Variants in RSF1 observed in about 807,000 individuals in gnomAD.
The protein encoded by RSF1 is HBV pX-associated protein 8.
In RSF1, 13 loss-of-function variants were observed where a neutral mutation model predicts 145.2. The ratio of observed to expected loss-of-function variants is 0.09; its 90% CI spans 0.06 to 0.14. The LOEUF (loss-of-function observed/expected upper bound fraction) is 0.14. Ranked by LOEUF, RSF1 falls within the 10% of genes least tolerant of loss-of-function variation. The probability of loss-of-function intolerance (pLI) is 1.00; values close to 1 mark genes in which losing one functional copy is unlikely to be tolerated. For missense variants in RSF1, 1,517 were observed against 1,718.2 expected, an observed-to-expected ratio of 0.88 and a Z score of 2.07; for synonymous variants, 577 against 592.6, an observed-to-expected ratio of 0.97 and a Z score of 0.38.
At chr11:77,803,350 T>C (rs2135980124) in intron 1 of RSF1, among the ~76,000 whole-genome samples, 1 of 152,010 alleles carries the variant, frequency 6.6e-6, no homozygotes, top group South Asian at 2.1e-4. Context: ...TTTCAACATG[T>C]TGCCCAGGCT....
chr11:77,771,612 T>C (rs1948286675), intron 1 of RSF1, among the ~76,000 whole-genome samples: 1 of 152,208 alleles, frequency 6.6e-6, no homozygotes, highest in Non-Finnish European at 1.5e-5. Context: ...ATCACTCTTT[T>C]AAATCCAGGA....
chr11:77,796,038 T>G (rs1464340473), intron 1 of RSF1, among the ~76,000 whole-genome samples: 1 of 152,234 alleles, frequency 6.6e-6, no homozygotes, highest in Non-Finnish European at 1.5e-5. Flanking sequence ...TGTATTTCTG[T>G]GGGATCAGCA....
At chr11:77,691,523 G>T in intron 8 of RSF1, 1 of 375,330 alleles carries the variant, frequency 2.7e-6, no homozygotes. Context: ...ACAGCATTTG[G>T]TTCAACATGT....
the RSF1 span, among the ~76,000 whole-genome samples, chr11:77,834,963 G>A: frequency 2.0e-5 from 3 of 152,092 alleles, no homozygotes; most frequent in Admixed American, 6.5e-5. Context: ...AGAGTAGTCC[G>A]AAGGGTATCC....
At chr11:77,774,333 T>C (rs1948318062) in intron 1 of RSF1, among the ~76,000 whole-genome samples, 1 of 152,194 alleles carries the variant, frequency 6.6e-6, no homozygotes, top group South Asian at 2.1e-4. Context: ...TTGGGCGTGG[T>C]AGCTCACGCC....
Position 77,701,689 on chromosome 11 carries a change from C to G in RSF1, c.1540G>C (p.Asp514His), listed in dbSNP as rs757892354. Residue 514 changes from aspartate (D) to histidine (H), a missense_variant, in exon 6 of 16, where the codon GAT (aspartate) becomes CAT (histidine). This residue lies in a region of RSF1 where 579 missense variants were observed against 553.5 expected (regional missense o/e 1.05). Transcript: ENST00000308488. The part of the protein sequence containing the change: ...KETAPLRKDA[D>H]SSISVLEIHS... ...ATCTCTAAGACTGATATTGAACTAT[C>G]TGCATCTTTCCTCAAAGGGGCTGTT... The G allele has an allele frequency of 4.3e-6, 7 of 1,613,964 alleles. No homozygotes were observed. The East Asian group carries it at 6.7e-5, about 15-fold the overall frequency.
chr11:77,666,163 T>C lies in RSF1; in HGVS notation c.*754A>G, dbSNP rs1016361269. On this transcript the variant is annotated 3_prime_UTR_variant, in exon 16 of 16. Coordinates refer to ENST00000308488, the MANE Select transcript of RSF1 (RefSeq NM_016578.4). Reference sequence around the variant, plus strand: ...CCTTATTACCACTGCATAAAGCTTATTTAAAAAAATTTGTTGCTAGCACAG... The same window carrying C: ...CCTTATTACCACTGCATAAAGCTTACTTAAAAAAATTTGTTGCTAGCACAG... The C allele has an allele frequency of 2.6e-5, 4 of 152,166 alleles. No individual in the cohort carries two copies. Among genetic ancestry groups the C allele is most frequent in the Non-Finnish European group, 5.9e-5 (4 of 68,022 alleles). The allele number at this position is 152,166 out of a possible 1,614,324, so 9.4% of individuals were successfully genotyped here. A position where few individuals can be genotyped will look rare whatever the true frequency, so the allele number is the denominator to read the frequency against.
intron 4 of RSF1, among the ~76,000 whole-genome samples, chr11:77,737,657 T>TGTGTGTGC (rs1483408307): frequency 7.0e-6 from 1 of 141,860 alleles, no homozygotes. Context: ...TGTGTGTGTG[T>TGTGTGTGC]GTGTGTGTGT....
At chr11:77,695,340 A>T (rs1185651521) in intron 7 of RSF1, among the ~76,000 whole-genome samples, 1 of 151,816 alleles carries the variant, frequency 6.6e-6, no homozygotes, top group East Asian at 1.9e-4. Flanking sequence ...TCTGATGGTG[A>T]TTTTCTATCT....
At chr11:77,823,445 T>C (rs1358279598), upstream of RSF1, among the ~76,000 whole-genome samples, 6 of 151,296 alleles carry the variant, frequency 4.0e-5, no homozygotes, top group African/African-American at 1.5e-4. Context: ...TTAAAAATAA[T>C]CTGGGCGAGG....
At position 77,701,238 on chromosome 11, in the gene RSF1, A is replaced by G. The variant is rs745421255; in HGVS notation, c.1991T>C (p.Val664Ala). 6 of 1,613,988 alleles carry G rather than the reference A, an allele frequency of 3.7e-6. No homozygotes were observed. In the Admixed American group the frequency reaches 1.0e-4, roughly 27 times the overall value. ...STVGGQSVKK[V>A]DLETLKEDSE... ...ATCCTCTTTTAGGGTTTCTAGGTCT[A>G]CTTTTTTCACAGACTGGCCACCAAC... Residue 664 changes from valine to alanine, a missense_variant, in exon 6 of 16, where the codon GTA (valine) becomes GCA (alanine). This residue lies in a region of RSF1 where 579 missense variants were observed against 553.5 expected (regional missense o/e 1.05). Coordinates refer to ENST00000308488, the MANE Select transcript of RSF1 (RefSeq NM_016578.4).
chr11:77,861,155 C>T, the RSF1 span, among the ~76,000 whole-genome samples: 1 of 152,060 alleles, frequency 6.6e-6, no homozygotes, highest in African/African-American at 2.4e-5. Flanking sequence ...GGATTAATTC[C>T]TTCCTCAAGC....
intron 1 of RSF1, among the ~76,000 whole-genome samples, chr11:77,772,876 C>T (rs1948302116): frequency 4.9e-5 from 7 of 143,800 alleles, no homozygotes. Context: ...AAAAAAGGGC[C>T]AAGAAGAACG....
intron 5 of RSF1, among the ~76,000 whole-genome samples, chr11:77,715,960 T>C (rs183519715): frequency 2.6e-5 from 4 of 152,250 alleles, no homozygotes; most frequent in Non-Finnish European, 5.9e-5. Flanking sequence ...ATTCAGTACA[T>C]AAACTTTTTG....
At chr11:77,681,102 C>G (rs1017365629) in intron 11 of RSF1, among the ~76,000 whole-genome samples, 1 of 152,098 alleles carries the variant, frequency 6.6e-6, no homozygotes, top group African/African-American at 2.4e-5. Context: ...AACTAAACAG[C>G]CTTGATTTAT....
At chr11:77,749,232 G>A (rs750860946) in intron 2 of RSF1, among the ~76,000 whole-genome samples, 2 of 152,160 alleles carry the variant, frequency 1.3e-5, no homozygotes, top group Non-Finnish European at 2.9e-5. Flanking sequence ...TTAAGATAAT[G>A]ATGATGGTTG....
chr11:77,689,584 A>G (rs56028401), intron 9 of RSF1, among the ~76,000 whole-genome samples: 8,400 of 152,264 alleles, frequency 0.055, 301 homozygotes, highest in Non-Finnish European at 0.084. Flanking sequence ...TGCTTTTAAT[A>G]TATCTCCACT....
intron 1 of RSF1, among the ~76,000 whole-genome samples, chr11:77,802,691 G>C (rs976460764): frequency 2.6e-5 from 4 of 151,980 alleles, no homozygotes; most frequent in Non-Finnish European, 5.9e-5. Flanking sequence ...TTACAGGCAC[G>C]CACCAGCACG....
intron 1 of RSF1, among the ~76,000 whole-genome samples, chr11:77,772,843 A>C (rs1948300643): frequency 1.5e-5 from 2 of 130,824 alleles, no homozygotes; most frequent in Non-Finnish European, 3.3e-5. Flanking sequence ...GAGTTGCCCA[A>C]GATGGAAAAA....
Sources: gnomAD v4.1 joint callset for allele counts (sites outside exome capture counted in the v4.1 genomes callset) on GRCh38, gnomAD v4.1.1 for gene constraint, gnomAD v4.1.1 regional missense constraint, MANE v1.5 for transcripts, NCBI Gene and HGNC (gene_info 2026-07-23, HGNC 2026-07-21) for gene names.